The following ANKS1B variants were observed in gnomAD, a reference collection of about 807,000 sequenced individuals.
The protein encoded by ANKS1B is ankyrin repeat and sterile alpha motif domain-containing protein 1B.
ANKS1B carries 36 observed loss-of-function variants against 148.3 expected under a neutral mutation model. The ratio of observed to expected loss-of-function variants is 0.24; its 90% CI spans 0.19 to 0.32. The LOEUF (loss-of-function observed/expected upper bound fraction) is 0.32. ANKS1B is among the 10% of genes least tolerant of loss of function. The pLI is 1.00. For synonymous variants in ANKS1B, 542 were observed against 560.8 expected (o/e 0.97, Z 0.47); for missense variants, 1,157 against 1,542.6 (o/e 0.75, Z 4.19).
intron 11 of ANKS1B, among the ~76,000 whole-genome samples, chr12:99,418,969 T>A (rs1272631963): frequency 6.6e-6 from 1 of 151,938 alleles, no homozygotes; most frequent in Non-Finnish European, 1.5e-5. Flanking sequence ...TATGCATCCC[T>A]AAAATAAACC....
chr12:99,640,073 G>A (rs576661682), intron 9 of ANKS1B, among the ~76,000 whole-genome samples: 5 of 152,238 alleles, frequency 3.3e-5, no homozygotes, highest in African/African-American at 7.2e-5. Flanking sequence ...TTGGGAGGCC[G>A]AGGCAGGCGA....
intron 8 of ANKS1B, among the ~76,000 whole-genome samples, chr12:99,735,807 C>CAAAAAAAAAAAAAA (rs376398944): frequency 1.1e-4 from 12 of 108,916 alleles, no homozygotes; most frequent in Non-Finnish European, 1.7e-4. Flanking sequence ...GGACATATAC[C>CAAAAAAAAAAAAAA]AAAAAAAAAA....
At chr12:98,740,361 C>T (rs1338368605), downstream of ANKS1B, among the ~76,000 whole-genome samples, 1 of 152,222 alleles carries the variant, frequency 6.6e-6, no homozygotes, top group African/African-American at 2.4e-5. Flanking sequence ...TCCTTTAGCA[C>T]AGCCCATGAT....
intron 17 of ANKS1B, among the ~76,000 whole-genome samples, chr12:98,857,887 G>T (rs374808071): frequency 6.6e-6 from 1 of 152,106 alleles, no homozygotes; most frequent in Non-Finnish European, 1.5e-5. Context: ...GGAAAAGTAC[G>T]TTTATTAACT....
intron 1 of ANKS1B, among the ~76,000 whole-genome samples, chr12:99,883,926 C>T (rs1339983542): frequency 2.0e-5 from 3 of 151,354 alleles, no homozygotes; most frequent in Non-Finnish European, 4.4e-5. Context: ...AAAAAATCTG[C>T]AAATCATATA....
At chr12:99,486,488 T>C (rs949146998) in intron 10 of ANKS1B, among the ~76,000 whole-genome samples, 7 of 150,528 alleles carry the variant, frequency 4.7e-5, no homozygotes, top group Non-Finnish European at 7.4e-5. Flanking sequence ...ATTTATTTAT[T>C]TATTTATTTT....
intron 9 of ANKS1B, among the ~76,000 whole-genome samples, chr12:99,610,250 G>A (rs546313979): frequency 6.6e-6 from 1 of 152,226 alleles, no homozygotes; most frequent in African/African-American, 2.4e-5. Context: ...TTATACAGAA[G>A]TGTGATTGGG....
At chr12:99,083,950 C>T (rs2153625845) in intron 16 of ANKS1B, 1 of 152,262 alleles carries the variant, frequency 6.6e-6, no homozygotes, top group East Asian at 1.9e-4. Context: ...TCCCACATAT[C>T]TGAAAGATTC....
intron 9 of ANKS1B, among the ~76,000 whole-genome samples, chr12:99,628,478 A>G (rs2098130072): frequency 1.3e-5 from 2 of 152,202 alleles, no homozygotes; most frequent in African/African-American, 4.8e-5. Flanking sequence ...TGTGAAAAAT[A>G]CTTTTTAAAT....
chr12:99,507,771 T>G (rs1034761435), intron 9 of ANKS1B, among the ~76,000 whole-genome samples: 1 of 151,784 alleles, frequency 6.6e-6, no homozygotes, highest in African/African-American at 2.4e-5. Context: ...AGAGAGATAG[T>G]TGAACAAAAT....
chr12:98,900,000 G>A (rs940403374), intron 17 of ANKS1B, among the ~76,000 whole-genome samples: 1 of 152,174 alleles, frequency 6.6e-6, no homozygotes, highest in Non-Finnish European at 1.5e-5. Context: ...CAAGGGAAAA[G>A]TGCCAATGGG....
intron 9 of ANKS1B, among the ~76,000 whole-genome samples, chr12:99,593,037 C>A (rs1187904687): frequency 6.6e-6 from 1 of 152,046 alleles, no homozygotes; most frequent in Non-Finnish European, 1.5e-5. Flanking sequence ...GCAGATGAAG[C>A]CTCCAGGTAG....
At chr12:99,213,032 T>C (rs896123338) in intron 14 of ANKS1B, among the ~76,000 whole-genome samples, 8 of 152,198 alleles carry the variant, frequency 5.3e-5, no homozygotes, top group Non-Finnish European at 1.2e-4. Flanking sequence ...AATCTAGCTT[T>C]TTTCCTACCA....
intron 17 of ANKS1B, among the ~76,000 whole-genome samples, chr12:98,928,840 T>C (rs1361223622): frequency 1.3e-5 from 2 of 151,914 alleles, no homozygotes; most frequent in African/African-American, 2.4e-5. Context: ...GCTAAAATAA[T>C]ACTTAATGGC....
intron 11 of ANKS1B, among the ~76,000 whole-genome samples, chr12:99,438,705 A>G (rs2095500565): frequency 6.6e-6 from 1 of 151,896 alleles, no homozygotes. Flanking sequence ...AAGTAAAACA[A>G]TGTAATCTGC....
intron 15 of ANKS1B, among the ~76,000 whole-genome samples, chr12:99,137,406 C>A (rs141825585): frequency 4.5e-4 from 68 of 152,048 alleles, no homozygotes; most frequent in African/African-American, 1.4e-3. Context: ...AGGTTCTGCA[C>A]GAGTAAGAGA....
intron 19 of ANKS1B, among the ~76,000 whole-genome samples, chr12:98,822,746 G>A (rs1337011310): frequency 1.3e-5 from 2 of 152,154 alleles, no homozygotes; most frequent in African/African-American, 2.4e-5. Flanking sequence ...TAGGGCTGAC[G>A]GGTCTATCAG....
intron 1 of ANKS1B, among the ~76,000 whole-genome samples, chr12:99,953,352 G>A (rs1188223935): frequency 6.6e-6 from 1 of 152,182 alleles, no homozygotes; most frequent in Admixed American, 6.5e-5. Flanking sequence ...TGAGGATGTT[G>A]AGGACATACC....
chr12:98,888,034 A>G (rs2099744093), intron 17 of ANKS1B, among the ~76,000 whole-genome samples: 1 of 152,254 alleles, frequency 6.6e-6, no homozygotes, highest in Non-Finnish European at 1.5e-5. Context: ...AAGATGCCTT[A>G]AATGATATAA....
Sources: allele counts gnomAD v4.1 joint callset (sites outside exome capture counted in the v4.1 genomes callset), GRCh38; gene constraint gnomAD v4.1.1; transcripts MANE v1.5; gene names NCBI Gene and HGNC (gene_info 2026-07-23, HGNC 2026-07-21).